The following KCNH7 variants were observed in gnomAD, a reference collection of about 807,000 sequenced individuals.
The protein encoded by KCNH7 is voltage-gated inwardly rectifying potassium channel KCNH7.
A neutral mutation model predicts 120.8 loss-of-function variants in KCNH7; 49 were observed. The ratio of observed to expected loss-of-function variants is 0.41; its 90% CI spans 0.32 to 0.51. The LOEUF (loss-of-function observed/expected upper bound fraction) is 0.51. KCNH7 is among the 20% of genes least tolerant of loss of function. The pLI is 0.38. For synonymous variants in KCNH7, 547 were observed against 516.1 expected (o/e 1.06, Z -0.81); for missense variants, 1,097 against 1,446.6 (o/e 0.76, Z 3.92).
intron 2 of KCNH7, among the ~76,000 whole-genome samples, chr2:162,740,769 C>T (rs1381179890): frequency 6.6e-6 from 1 of 152,186 alleles, no homozygotes; most frequent in Non-Finnish European, 1.5e-5. Context: ...ACTTTCTGCT[C>T]TTTCCATCTC....
intron 2 of KCNH7, among the ~76,000 whole-genome samples, chr2:162,737,863 G>A (rs748611420): frequency 1.3e-5 from 2 of 151,922 alleles, no homozygotes; most frequent in Non-Finnish European, 2.9e-5. Flanking sequence ...TCAGGGGTGG[G>A]AGAGCAACCT....
In KCNH7 at chr2:162,493,776, G is replaced by A. The variant is rs189659110; in HGVS notation, c.1128+10667C>T. On this transcript the variant is annotated intron_variant, in intron 6 of 15. Transcript: ENST00000332142. ...AAGCTGTGTAAGGAAAGTAAAATGCGTTTTTAGTAAAAGGTTATAAGAAGG... is the reference window on the plus strand; with the variant it reads ...AAGCTGTGTAAGGAAAGTAAAATGCATTTTTAGTAAAAGGTTATAAGAAGG... Among the ~76,000 whole-genome samples the A allele has an allele frequency of 7.9e-4, 120 of 152,200 alleles. 1 individual carries two copies. The highest frequency in any genetic ancestry group is 2.7e-3 in the African/African-American group (114 of 41,524).
intron 2 of KCNH7, among the ~76,000 whole-genome samples, chr2:162,669,505 C>A (rs1285775337): frequency 2.0e-5 from 3 of 152,162 alleles, no homozygotes; most frequent in African/African-American, 7.2e-5. Flanking sequence ...GGAAAGGTTT[C>A]TATTTTGCTA....
chr2:162,786,242 C>CAAA (rs68194654), intron 2 of KCNH7, among the ~76,000 whole-genome samples: 3 of 72,042 alleles, frequency 4.2e-5, no homozygotes, highest in African/African-American at 1.4e-4. Context: ...GAATCCGTCT[C>CAAA]AAAAAAAAAA....
intron 2 of KCNH7, among the ~76,000 whole-genome samples, chr2:162,580,546 T>C (rs368280358): frequency 2.1e-4 from 32 of 152,214 alleles, no homozygotes; most frequent in African/African-American, 7.5e-4. Context: ...GTCAATTTAA[T>C]TCACTTCAAT....
chr2:162,698,492 T>TA (rs900074851), intron 2 of KCNH7, among the ~76,000 whole-genome samples: 5 of 151,582 alleles, frequency 3.3e-5, no homozygotes, highest in African/African-American at 7.3e-5. Context: ...ATATGCCATT[T>TA]AAAAAAAAGG....
intron 2 of KCNH7, among the ~76,000 whole-genome samples, chr2:162,820,209 T>TGTG (rs1685065485): frequency 3.0e-5 from 3 of 99,682 alleles, no homozygotes; most frequent in Non-Finnish European, 5.9e-5. Context: ...CCGGCTAATT[T>TGTG]TGTGTGTGTG....
At chr2:162,502,327 T>C (rs1690713673) in intron 6 of KCNH7, 1 of 152,074 alleles carries the variant, frequency 6.6e-6, no homozygotes, top group African/African-American at 2.4e-5. Context: ...TGGGGGATCA[T>C]AGAAGAATAT....
At chr2:162,601,779 A>C (rs938218494) in intron 2 of KCNH7, among the ~76,000 whole-genome samples, 5 of 152,032 alleles carry the variant, frequency 3.3e-5, no homozygotes, top group Admixed American at 2.0e-4. Context: ...GACTGCACTT[A>C]ATTTTTCCTA....
chr2:162,388,252 G>A (rs1388721175), intron 12 of KCNH7, among the ~76,000 whole-genome samples: 6 of 151,720 alleles, frequency 4.0e-5, no homozygotes, highest in African/African-American at 1.4e-4. Context: ...CAGATATGCA[G>A]AATGAATAAA....
chr2:162,388,357 TAAAC>T (rs1031244598), intron 12 of KCNH7, among the ~76,000 whole-genome samples: 2 of 149,804 alleles, frequency 1.3e-5, no homozygotes, highest in Admixed American at 1.3e-4. Flanking sequence ...TCTCCCCACA[TAAAC>T]ACACACACAC....
intron 6 of KCNH7, among the ~76,000 whole-genome samples, chr2:162,497,541 G>T (rs1690535934): frequency 6.6e-6 from 1 of 152,162 alleles, no homozygotes; most frequent in South Asian, 2.1e-4. Flanking sequence ...ATGTCCAACT[G>T]CCACAGTAAC....
intron 2 of KCNH7, among the ~76,000 whole-genome samples, chr2:162,553,667 A>C (rs1692760150): frequency 6.6e-6 from 1 of 152,164 alleles, no homozygotes; most frequent in Admixed American, 6.5e-5. Context: ...AAGAAAAGAA[A>C]AGAAAAGAAA....
At chr2:162,690,099 G>A (rs746589844) in intron 2 of KCNH7, among the ~76,000 whole-genome samples, 5 of 152,098 alleles carry the variant, frequency 3.3e-5, no homozygotes, top group Admixed American at 6.6e-5. Flanking sequence ...TGGAGCTGGA[G>A]GCTATTATCC....
chr2:162,477,437 G>C (rs961986528), intron 6 of KCNH7, among the ~76,000 whole-genome samples: 1 of 152,152 alleles, frequency 6.6e-6, no homozygotes, highest in Admixed American at 6.5e-5. Context: ...AGGCAAGCCT[G>C]CTTGAGAAAA....
At chr2:162,401,209 C>CT (rs1687055759) in intron 9 of KCNH7, among the ~76,000 whole-genome samples, 2 of 151,876 alleles carry the variant, frequency 1.3e-5, no homozygotes, top group African/African-American at 2.4e-5. Flanking sequence ...GTGACAACTG[C>CT]TACTCAATCT....
At chr2:162,774,501 G>T (rs897725725) in intron 2 of KCNH7, among the ~76,000 whole-genome samples, 1 of 152,108 alleles carries the variant, frequency 6.6e-6, no homozygotes, top group African/African-American at 2.4e-5. Context: ...CCTGTGTGGA[G>T]GGTGGGTAAC....
chr2:162,720,766 C>A (rs531621332), intron 2 of KCNH7, among the ~76,000 whole-genome samples: 2 of 151,998 alleles, frequency 1.3e-5, no homozygotes, highest in Admixed American at 1.3e-4. Context: ...GAAAGTGAAG[C>A]AATTGTGGTA....
chr2:162,638,948 T>C lies in KCNH7; in HGVS notation c.308-101868A>G, dbSNP rs141204198. On this transcript the variant is annotated intron_variant, in intron 2 of 15. Transcript: ENST00000332142. ...ATCAGGTTTGCCAAACTTGGCACTA[T>C]TATCATTTGAACCTTACTCATAATT... Among the ~76,000 whole-genome samples, 870 of 152,250 alleles carry C rather than the reference T, an allele frequency of 5.7e-3. 8 individuals are homozygous for C. Among genetic ancestry groups the C allele is most frequent in the African/African-American group, 0.02 (821 of 41,556 alleles).
Sources: gnomAD v4.1 joint callset for allele counts (sites outside exome capture counted in the v4.1 genomes callset) on GRCh38, gnomAD v4.1.1 for gene constraint, MANE v1.5 for transcripts, NCBI Gene and HGNC (gene_info 2026-07-23, HGNC 2026-07-21) for gene names.